Variants in KIF11 observed in about 807,000 individuals in gnomAD.
KIF11 encodes the protein kinesin family member 11, also known as kinesin-like protein KIF11.
A neutral mutation model predicts 121.0 loss-of-function variants in KIF11; 9 were observed. The ratio of observed to expected loss-of-function variants is 0.07; its 90% CI spans 0.04 to 0.13. The LOEUF (loss-of-function observed/expected upper bound fraction) is 0.13. Among genes scored for constraint, KIF11 ranks in the 10% least tolerant of loss-of-function variants. The pLI is 1.00. For missense variants in KIF11, 846 were observed against 1,217.5 expected, an observed-to-expected ratio of 0.69 and a Z score of 4.54; for synonymous variants, 408 against 421.0, an observed-to-expected ratio of 0.97 and a Z score of 0.38.
At chr10:92,615,004 CA>C (rs1029695013) in intron 8 of KIF11, among the ~76,000 whole-genome samples, 15 of 152,060 alleles carry the variant, frequency 9.9e-5, no homozygotes, top group Non-Finnish European at 2.2e-4. Context: ...CTATGTTGCC[CA>C]GGCTGGTCTT....
At chr10:92,631,462 C>T (rs1589601875) in intron 12 of KIF11, among the ~76,000 whole-genome samples, 4 of 149,506 alleles carry the variant, frequency 2.7e-5, no homozygotes, top group South Asian at 2.1e-4. Flanking sequence ...CCCGGGTTCA[C>T]GCCATTCTCC....
chr10:92,643,843 T>G (rs930343470), intron 17 of KIF11, among the ~76,000 whole-genome samples: 12 of 152,190 alleles, frequency 7.9e-5, no homozygotes, highest in African/African-American at 2.7e-4. Context: ...TCTATTATAC[T>G]TCTGTTGAAC....
At chr10:92,638,621 C>T (rs1844832684) in intron 16 of KIF11, among the ~76,000 whole-genome samples, 3 of 152,092 alleles carry the variant, frequency 2.0e-5, no homozygotes, top group Admixed American at 2.0e-4. Flanking sequence ...GTTTGGCTTT[C>T]CTGGCTTTAA....
intron 1 of KIF11, among the ~76,000 whole-genome samples, chr10:92,598,573 ACTCCC>A (rs1844328887): frequency 6.6e-6 from 1 of 151,752 alleles, no homozygotes; most frequent in African/African-American, 2.4e-5. Flanking sequence ...GGCTATCTGG[ACTCCC>A]TTGGGATTCC....
intron 10 of KIF11, among the ~76,000 whole-genome samples, chr10:92,625,006 G>C (rs1050741050): frequency 6.6e-6 from 1 of 151,986 alleles, no homozygotes; most frequent in Non-Finnish European, 1.5e-5. Flanking sequence ...CTGACCTCAA[G>C]TGATCTGCCC....
chr10:92,597,535 G>T (rs1378070386), intron 1 of KIF11, among the ~76,000 whole-genome samples: 1 of 152,104 alleles, frequency 6.6e-6, no homozygotes, highest in Non-Finnish European at 1.5e-5. Context: ...AAAGTGCTGG[G>T]ATTATGAGTG....
At chr10:92,611,758 G>C (rs1344173003) in intron 6 of KIF11, among the ~76,000 whole-genome samples, 2 of 152,102 alleles carry the variant, frequency 1.3e-5, no homozygotes, top group Non-Finnish European at 2.9e-5. Flanking sequence ...AATTAGCTTG[G>C]TGTGGTGGCG....
chr10:92,634,204 T>C (rs10736068), intron 14 of KIF11, among the ~76,000 whole-genome samples: 105,986 of 151,616 alleles, frequency 0.7, 38,386 homozygotes, highest in East Asian at 0.93. Flanking sequence ...AGGATGGTCT[T>C]GATCTCCTGA....
intron 21 of KIF11, among the ~76,000 whole-genome samples, chr10:92,652,896 C>T (rs982494565): frequency 2.0e-5 from 3 of 152,084 alleles, no homozygotes; most frequent in South Asian, 2.1e-4. Flanking sequence ...ATTTTCTCTG[C>T]GTTTAAAACT....
chr10:92,610,718 G>A (rs887493813), intron 6 of KIF11, among the ~76,000 whole-genome samples: 37 of 152,088 alleles, frequency 2.4e-4, no homozygotes, highest in African/African-American at 8.5e-4. Flanking sequence ...AGGATTAGAA[G>A]TCTTATTTCT....
At chr10:92,595,301 C>T (rs1329673419) in intron 1 of KIF11, among the ~76,000 whole-genome samples, 2 of 152,206 alleles carry the variant, frequency 1.3e-5, no homozygotes, top group East Asian at 3.8e-4. Context: ...CTCAGAGAAT[C>T]CACCCACCTT....
Position 92,653,769 on chromosome 10 carries a change from ACCTCTGCGAG to A in KIF11, c.3147_3156del (p.Leu1050ArgfsTer15). On this transcript the variant is annotated frameshift_variant, in exon 22 of 22. Coordinates refer to ENST00000260731, the MANE Select transcript of KIF11 (RefSeq NM_004523.4). LOFTEE classifies it high-confidence loss of function. ...AGCACTTGGTTACAAAGAGCAGATTACCTCTGCGAGCCCAGATCAACCTTTAATTCACTTG... is the reference window on the plus strand; with the variant it reads ...AGCACTTGGTTACAAAGAGCAGATTACCCAGATCAACCTTTAATTCACTTG... The A allele has an allele frequency of 6.2e-7, 1 of 1,613,876 alleles. No homozygotes were observed. Among genetic ancestry groups the A allele is most frequent in the Non-Finnish European group, 8.5e-7 (1 of 1,179,854 alleles).
At position 92,593,373 on chromosome 10, in the gene KIF11, G is replaced by T. The variant is rs375202133; in HGVS notation, c.-3G>T. On this transcript the variant is annotated 5_prime_UTR_variant, in exon 1 of 22. Coordinates refer to ENST00000260731, the MANE Select transcript of KIF11 (RefSeq NM_004523.4). ...GGGCCTTGATTTTTTGGCGGGGACC[G>T]TCATGGCGTCGCAGCCAAATTCGTC... The T allele has an allele frequency of 3.7e-6, 6 of 1,605,892 alleles. No homozygotes were observed. Among genetic ancestry groups the T allele is most frequent in the African/African-American group, 2.7e-5 (2 of 74,868 alleles).
chr10:92,645,284 A>T, intron 17 of KIF11, 79 bp from the exon 18 acceptor site: 2 of 1,035,066 alleles, frequency 1.9e-6, no homozygotes, highest in Non-Finnish European at 1.4e-6. Context: ...GCCACTTAAG[A>T]GCTGAGTGAT....
chr10:92,615,160 T>C (rs1371711411), intron 8 of KIF11, among the ~76,000 whole-genome samples: 1 of 151,912 alleles, frequency 6.6e-6, no homozygotes, highest in Non-Finnish European at 1.5e-5. Context: ...TCCCAGCACT[T>C]TGGGAGGCTG....
At chr10:92,621,611 T>TGTGTGTGTG in intron 10 of KIF11, 138 bp downstream of exon 10, 4 of 578,740 alleles carry the variant, frequency 6.9e-6, no homozygotes, top group Non-Finnish European at 1.2e-5. Context: ...TGTGTGTGTG[T>TGTGTGTGTG]TTTCTTTTGA....
At chr10:92,632,749 A>G in intron 13 of KIF11, 56 bp downstream of exon 13, 3 of 934,314 alleles carry the variant, frequency 3.2e-6, no homozygotes, top group Non-Finnish European at 4.5e-6. Context: ...TGTTGATTTC[A>G]AAACTGATAA....
intron 10 of KIF11, among the ~76,000 whole-genome samples, chr10:92,627,504 A>G (rs1490051059): frequency 6.6e-6 from 1 of 152,226 alleles, no homozygotes; most frequent in Non-Finnish European, 1.5e-5. Flanking sequence ...TGAAAAATAT[A>G]GCATCCTTTT....
At chr10:92,640,754 C>A (rs1844856361) in intron 17 of KIF11, among the ~76,000 whole-genome samples, 1 of 150,068 alleles carries the variant, frequency 6.7e-6, no homozygotes, top group Non-Finnish European at 1.5e-5. Flanking sequence ...CAGACAAAAA[C>A]AAACAGCCTG....
Sources: gnomAD v4.1 joint callset for allele counts (sites outside exome capture counted in the v4.1 genomes callset) on GRCh38, gnomAD v4.1.1 for gene constraint, MANE v1.5 for transcripts, NCBI Gene and HGNC (gene_info 2026-07-23, HGNC 2026-07-21) for gene names.